SIK3: variants seen among roughly 807,000 people sequenced by gnomAD.
SIK3 encodes SIK family kinase 3.
A neutral mutation model predicts 144.2 loss-of-function variants in SIK3; 28 were observed. The observed-to-expected ratio is 0.19, with a 90% CI of 0.14 to 0.27. The LOEUF (loss-of-function observed/expected upper bound fraction) is 0.27, where lower values mean the gene tolerates loss of function less well. Among genes scored for constraint, SIK3 ranks in the 10% least tolerant of loss-of-function variants. SIK3 has a pLI of 1.00. For missense variants in SIK3, 1,319 were observed against 1,776.0 expected (o/e 0.74, Z 4.62); for synonymous variants, 686 against 676.3 (o/e 1.01, Z -0.22).
chr11:116,941,314 C>T, intron 3 of SIK3, among the ~76,000 whole-genome samples: 1 of 150,898 alleles, frequency 6.6e-6, no homozygotes, highest in Non-Finnish European at 1.5e-5. Flanking sequence ...CCGAAAATAC[C>T]TTTTTTAATA....
chr11:116,861,026 T>A (rs1943293779), intron 19 of SIK3, among the ~76,000 whole-genome samples: 1 of 152,200 alleles, frequency 6.6e-6, no homozygotes, highest in Admixed American at 6.5e-5. Context: ...AATTACCCAG[T>A]CTCAGTCAGT....
Position 116,849,146 on chromosome 11 carries a change from T to C in SIK3, c.3793A>G (p.Thr1265Ala). 1 of 1,609,630 alleles carries C rather than the reference T, an allele frequency of 6.2e-7. No homozygotes were observed. Among genetic ancestry groups the C allele is most frequent in the Non-Finnish European group, 8.5e-7 (1 of 1,176,894 alleles). Reference sequence around the variant, plus strand: ...TAAGCATCGTCGCTGTTCTGGATCGTGTGGTGTCTCTGGAGGGCCCGGGGC... The same window carrying C: ...TAAGCATCGTCGCTGTTCTGGATCGCGTGGTGTCTCTGGAGGGCCCGGGGC... Reference protein sequence around the residue: ...HRPRALQRHHTIQNSDDAYVQ... With the variant: ...HRPRALQRHHAIQNSDDAYVQ... The change falls in exon 22 of 25, where the codon ACG becomes GCG. Residue 1265 changes from threonine (T) to alanine (A), a missense_variant. By Grantham distance (58) the Thr-to-Ala change is moderately conservative (BLOSUM62 0). Transcript: ENST00000445177. This position sits in a 1 kb window ranked among gnomAD's most constrained non-coding sequence, Gnocchi z 4.2.
At chr11:116,957,642 ACT>A (rs1949190666) in intron 1 of SIK3, among the ~76,000 whole-genome samples, 1 of 152,076 alleles carries the variant, frequency 6.6e-6, no homozygotes, top group Non-Finnish European at 1.5e-5. Context: ...GCCAGGCATA[ACT>A]CTTAGTGGTT....
chr11:116,941,962 A>G (rs953062284), intron 3 of SIK3, among the ~76,000 whole-genome samples: 1 of 152,218 alleles, frequency 6.6e-6, no homozygotes, highest in African/African-American at 2.4e-5. Context: ...GCTCCTTCAT[A>G]ATATAAGGCT....
At chr11:116,890,463 G>A (rs1049638905) in intron 6 of SIK3, among the ~76,000 whole-genome samples, 7 of 152,184 alleles carry the variant, frequency 4.6e-5, no homozygotes, top group African/African-American at 1.7e-4. Context: ...TGGGGATGGG[G>A]TGGTTCTGAT....
intron 1 of SIK3, among the ~76,000 whole-genome samples, chr11:117,043,589 T>C (rs1952835317): frequency 1.3e-5 from 2 of 152,184 alleles, no homozygotes; most frequent in South Asian, 4.1e-4. Flanking sequence ...TCCTGCTAAA[T>C]ATATTAACCA....
At chr11:116,900,874 T>A (rs918234993) in intron 4 of SIK3, among the ~76,000 whole-genome samples, 2 of 151,656 alleles carry the variant, frequency 1.3e-5, no homozygotes, top group Non-Finnish European at 1.5e-5. Flanking sequence ...TATTTTTTTT[T>A]TTTTTTTGAG....
chr11:116,891,536 T>C (rs1945110367), intron 6 of SIK3, among the ~76,000 whole-genome samples: 1 of 152,138 alleles, frequency 6.6e-6, no homozygotes, highest in South Asian at 2.1e-4. Flanking sequence ...TTTCTTATCA[T>C]AGCCAAAAAT....
chr11:117,036,698 C>G (rs1952521326), intron 1 of SIK3, among the ~76,000 whole-genome samples: 1 of 152,166 alleles, frequency 6.6e-6, no homozygotes, highest in African/African-American at 2.4e-5. Flanking sequence ...GTCACCAAAT[C>G]AAAGCCAGTG....
intron 1 of SIK3, among the ~76,000 whole-genome samples, chr11:116,997,594 A>G (rs1025488388): frequency 9.2e-5 from 14 of 152,238 alleles, no homozygotes; most frequent in African/African-American, 3.4e-4. Flanking sequence ...ATTCAGAAAA[A>G]GTTTATGGTA....
rs111818350 is a variant in SIK3, at chr11:116,859,234, T to C, written c.2765+31A>G. The stretch of plus-strand genomic sequence containing the variant: ...CTTCCTCCCACCTGGATCCCATGCA[T>C]AGATGGCTGGGTGACGTTAGGCGGT... On this transcript the variant is annotated intron_variant, in intron 20 of 24. Transcript: ENST00000445177. 4.3e-4 allele frequency: 680 copies of C among 1,573,668 alleles called. 4 individuals carry two copies. In the African/African-American group the frequency reaches 8.1e-3, roughly 19 times the overall value.
At chr11:116,982,408 C>T (rs3863305) in intron 1 of SIK3, among the ~76,000 whole-genome samples, 68,686 of 151,082 alleles carry the variant, frequency 0.45, 18,920 homozygotes, top group Non-Finnish European at 0.64. Context: ...CCTGCCTCAG[C>T]CTCCCGAGTA....
At chr11:117,033,725 G>GAAAGA (rs1299761549) in intron 1 of SIK3, among the ~76,000 whole-genome samples, 2 of 124,256 alleles carry the variant, frequency 1.6e-5, no homozygotes, top group Non-Finnish European at 3.4e-5. Flanking sequence ...AAAAAAAAAA[G>GAAAGA]AAAGAAAAGA....
intron 17 of SIK3, 76 bp from the exon 18 acceptor site, chr11:116,862,002 G>T: frequency 1.6e-6 from 2 of 1,283,566 alleles, no homozygotes; most frequent in East Asian, 2.4e-5. Flanking sequence ...AGGAAGGGAA[G>T]AAACAGAAAG....
At chr11:117,036,588 A>G (rs1952515444) in intron 1 of SIK3, among the ~76,000 whole-genome samples, 1 of 152,246 alleles carries the variant, frequency 6.6e-6, no homozygotes, top group Non-Finnish European at 1.5e-5. Context: ...GCAGAATTTT[A>G]GACTTTTCTC....
In SIK3 at chr11:117,052,685, G is replaced by A. The variant is rs954081303; in HGVS notation, c.273+45458C>T. Among the ~76,000 whole-genome samples, 10 of 152,150 alleles carry A rather than the reference G, an allele frequency of 6.6e-5. 1 individual carries two copies. Among genetic ancestry groups the A allele is most frequent in the Admixed American group, 5.9e-4 (9 of 15,264 alleles). On this transcript the variant is annotated intron_variant, in intron 1 of 24. Transcript: ENST00000445177. ...TATCCCTTTAAGCAAAAATAAATCA[G>A]AAGTCCTCTTATGCTCTGGGATTAA...
intron 1 of SIK3, among the ~76,000 whole-genome samples, chr11:117,024,088 C>G (rs1591558238): frequency 6.6e-6 from 1 of 152,090 alleles, no homozygotes; most frequent in East Asian, 1.9e-4. Context: ...AAATCATTTA[C>G]TAGCCCTGTA....
At chr11:117,019,977 A>G (rs1256197714) in intron 1 of SIK3, among the ~76,000 whole-genome samples, 1 of 152,168 alleles carries the variant, frequency 6.6e-6, no homozygotes, top group South Asian at 2.1e-4. Flanking sequence ...GAGCTACACT[A>G]TTTGTACTTG....
chr11:117,058,205 A>G (rs1381679146), intron 1 of SIK3, among the ~76,000 whole-genome samples: 1 of 152,182 alleles, frequency 6.6e-6, no homozygotes, highest in Admixed American at 6.5e-5. Context: ...CTAGAAAACC[A>G]GAAAGATCCT....
Sources: gnomAD v4.1 joint callset for allele counts (sites outside exome capture counted in the v4.1 genomes callset) on GRCh38, gnomAD v4.1.1 for gene constraint, Gnocchi (gnomAD v3.1) non-coding constraint, MANE v1.5 for transcripts, NCBI Gene and HGNC (gene_info 2026-07-23, HGNC 2026-07-21) for gene names.